Variants in ULK4 observed in about 807,000 individuals in gnomAD.
ULK4 encodes the protein unc-51 like kinase 4.
ULK4 carries 133 observed loss-of-function variants against 160.6 expected under a neutral mutation model. That is an observed-to-expected ratio of 0.83 (90% confidence interval 0.72 to 0.96). The LOEUF (loss-of-function observed/expected upper bound fraction) is 0.96. ULK4 is among the 40% of genes least tolerant of loss of function. The pLI is 0.00. For missense variants in ULK4, 1,580 were observed against 1,499.5 expected (o/e 1.05, Z -0.89); for synonymous variants, 534 against 539.8 (o/e 0.99, Z 0.15).
At chr3:41,287,662 T>A (rs988352853) in intron 35 of ULK4, among the ~76,000 whole-genome samples, 1 of 152,166 alleles carries the variant, frequency 6.6e-6, no homozygotes, top group Non-Finnish European at 1.5e-5. Context: ...ACTCTTCAAA[T>A]AGACACCTGA....
chr3:41,626,099 T>C (rs1214747864), intron 30 of ULK4, among the ~76,000 whole-genome samples: 6 of 152,198 alleles, frequency 3.9e-5, no homozygotes, highest in Admixed American at 1.3e-4. Flanking sequence ...GAGTCTCCCT[T>C]ACAAAGTTTG....
intron 31 of ULK4, among the ~76,000 whole-genome samples, chr3:41,604,047 G>A (rs1487967670): frequency 6.6e-6 from 1 of 151,994 alleles, no homozygotes; most frequent in Non-Finnish European, 1.5e-5. Flanking sequence ...AGATGAAATA[G>A]AGAAGAAAGG....
At chr3:41,886,101 T>C (rs546198589) in intron 16 of ULK4, among the ~76,000 whole-genome samples, 8 of 152,308 alleles carry the variant, frequency 5.3e-5, no homozygotes, top group Non-Finnish European at 1.0e-4. Flanking sequence ...CAACAATACG[T>C]ACCTCATGTT....
intron 21 of ULK4, among the ~76,000 whole-genome samples, chr3:41,757,417 G>C (rs984060272): frequency 8.6e-5 from 13 of 151,962 alleles, no homozygotes; most frequent in Non-Finnish European, 1.3e-4. Context: ...CAGAACACGT[G>C]GTCAGGAGAT....
intron 22 of ULK4, among the ~76,000 whole-genome samples, chr3:41,728,814 C>A (rs893709256): frequency 6.6e-6 from 1 of 151,842 alleles, no homozygotes; most frequent in African/African-American, 2.4e-5. Context: ...ATAAATAAAA[C>A]AAAAATGAAA....
chr3:41,479,404 T>C (rs1229795527), intron 32 of ULK4, among the ~76,000 whole-genome samples: 6 of 152,122 alleles, frequency 3.9e-5, no homozygotes, highest in Admixed American at 3.3e-4. Context: ...TATAAATATA[T>C]TGGAATATGA....
chr3:41,772,912 C>G (rs558539275), intron 21 of ULK4, among the ~76,000 whole-genome samples: 1 of 152,316 alleles, frequency 6.6e-6, no homozygotes, highest in South Asian at 2.1e-4. Context: ...AAGGCTGGTT[C>G]AACACACACA....
chr3:41,505,582 A>T (rs889676211), intron 32 of ULK4, among the ~76,000 whole-genome samples: 1 of 152,096 alleles, frequency 6.6e-6, no homozygotes, highest in Non-Finnish European at 1.5e-5. Context: ...TCATCTTTAA[A>T]TTTTTTACTG....
chr3:41,287,373 A>G (rs2125699835), intron 35 of ULK4, among the ~76,000 whole-genome samples: 1 of 152,318 alleles, frequency 6.6e-6, no homozygotes, highest in South Asian at 2.1e-4. Flanking sequence ...TGGCTCAAGA[A>G]CTGAAATGAT....
In ULK4 at chr3:41,455,489, G is replaced by A. The variant is rs770873933; in HGVS notation, c.3492+8C>T. 6.2e-7 allele frequency: 1 copy of A among 1,613,328 alleles called. No homozygotes were observed. Among genetic ancestry groups the A allele is most frequent in the Non-Finnish European group, 8.5e-7 (1 of 1,179,380 alleles). ...AATGCCCCAAAAGACATACAGGTGAGCTCTTACCAGTGGAATGAGCAGGCT... is the reference window on the plus strand; with the variant it reads ...AATGCCCCAAAAGACATACAGGTGAACTCTTACCAGTGGAATGAGCAGGCT... On this transcript the variant is annotated splice_region_variant and intron_variant, in intron 34 of 36. Coordinates refer to ENST00000301831, the MANE Select transcript of ULK4 (RefSeq NM_017886.4).
intron 2 of ULK4, among the ~76,000 whole-genome samples, chr3:41,953,816 G>A (rs1010368683): frequency 6.6e-6 from 1 of 152,072 alleles, no homozygotes; most frequent in African/African-American, 2.4e-5. Context: ...GGGAGGCTGA[G>A]GCAGGCAGAC....
chr3:41,316,067 G>T (rs557662838), intron 35 of ULK4, among the ~76,000 whole-genome samples: 76 of 152,178 alleles, frequency 5.0e-4, no homozygotes, highest in East Asian at 3.9e-4. Flanking sequence ...GAAAACATAT[G>T]TGCACACAAA....
At chr3:41,699,423 T>C (rs1001666341) in intron 27 of ULK4, among the ~76,000 whole-genome samples, 3 of 152,238 alleles carry the variant, frequency 2.0e-5, no homozygotes, top group Admixed American at 1.3e-4. Context: ...AAATTATGTA[T>C]ACTGCAGCCA....
At chr3:41,514,176 C>T (rs1437009354) in intron 32 of ULK4, among the ~76,000 whole-genome samples, 1 of 152,088 alleles carries the variant, frequency 6.6e-6, no homozygotes, top group Non-Finnish European at 1.5e-5. Context: ...TTGCTTGAAA[C>T]AGGCAACCTA....
chr3:41,930,327 CA>C (rs1699549841), intron 5 of ULK4, among the ~76,000 whole-genome samples: 3 of 152,040 alleles, frequency 2.0e-5, no homozygotes, highest in African/African-American at 7.2e-5. Context: ...ATACTCTATA[CA>C]AAAATTAATT....
chr3:41,825,724 G>A (rs2041322833), intron 18 of ULK4, among the ~76,000 whole-genome samples: 1 of 152,180 alleles, frequency 6.6e-6, no homozygotes, highest in South Asian at 2.1e-4. Context: ...AACCAAGCTG[G>A]AAAACACTCT....
At chr3:41,281,463 G>A (rs79343637) in intron 35 of ULK4, among the ~76,000 whole-genome samples, 4,749 of 152,224 alleles carry the variant, frequency 0.031, 184 homozygotes, top group East Asian at 0.18. Flanking sequence ...CAATCAGTTC[G>A]ACTTCATCCC....
At chr3:41,557,153 A>C (rs2087328637) in intron 32 of ULK4, among the ~76,000 whole-genome samples, 2 of 152,126 alleles carry the variant, frequency 1.3e-5, no homozygotes, top group South Asian at 4.1e-4. Context: ...AAGCCAAAAA[A>C]GCATTTGACA....
chr3:41,825,983 G>A (rs1321361075), intron 18 of ULK4, among the ~76,000 whole-genome samples: 1 of 152,202 alleles, frequency 6.6e-6, no homozygotes, highest in Non-Finnish European at 1.5e-5. Context: ...CTACAAGCCA[G>A]AAGAGAGTGG....
Sources: gnomAD v4.1 joint callset for allele counts (sites outside exome capture counted in the v4.1 genomes callset) on GRCh38, gnomAD v4.1.1 for gene constraint, MANE v1.5 for transcripts, NCBI Gene and HGNC (gene_info 2026-07-23, HGNC 2026-07-21) for gene names.